KIF26B: variants seen among roughly 807,000 people sequenced by gnomAD.
The protein encoded by KIF26B is kinesin family member 26B.
In KIF26B, 63 loss-of-function variants were observed where a neutral mutation model predicts 151.2. That is an observed-to-expected ratio of 0.42 (90% confidence interval 0.34 to 0.51). The LOEUF (loss-of-function observed/expected upper bound fraction) is 0.51. Ranked by LOEUF, KIF26B falls within the 20% of genes least tolerant of loss-of-function variation. The pLI, the probability that KIF26B is intolerant of heterozygous loss-of-function variation, is 0.07. For synonymous variants in KIF26B, 1,357 were observed against 1,262.1 expected, an observed-to-expected ratio of 1.08 and a Z score of -1.59; for missense variants, 2,813 against 2,913.6, an observed-to-expected ratio of 0.97 and a Z score of 0.79.
chr1:245,618,841 G>A (rs1173411865), intron 9 of KIF26B, among the ~76,000 whole-genome samples: 6 of 145,250 alleles, frequency 4.1e-5, no homozygotes, highest in African/African-American at 5.2e-5. Flanking sequence ...AGCCCTATTA[G>A]ACTATAGGTT....
At chr1:245,414,208 T>C (rs1388142355) in intron 3 of KIF26B, among the ~76,000 whole-genome samples, 1 of 152,188 alleles carries the variant, frequency 6.6e-6, no homozygotes, top group African/African-American at 2.4e-5. Context: ...TTGTTATAGG[T>C]AGCAGCAAGA....
intron 5 of KIF26B, among the ~76,000 whole-genome samples, chr1:245,552,200 C>G (rs1405355936): frequency 6.8e-6 from 1 of 146,082 alleles, no homozygotes; most frequent in Non-Finnish European, 1.5e-5. Flanking sequence ...GACTGATTTT[C>G]AGGACTGGAC....
At chr1:245,458,040 G>A (rs1659577025) in intron 4 of KIF26B, among the ~76,000 whole-genome samples, 1 of 152,204 alleles carries the variant, frequency 6.6e-6, no homozygotes, top group Non-Finnish European at 1.5e-5. Context: ...AATGATGCCA[G>A]TTAATATTTG....
At chr1:245,391,382 C>T (rs942665265) in intron 3 of KIF26B, among the ~76,000 whole-genome samples, 17 of 152,262 alleles carry the variant, frequency 1.1e-4, no homozygotes, top group Admixed American at 5.9e-4. Context: ...TATTCAAATA[C>T]TCCTCCATAT....
Position 245,170,216 on chromosome 1 carries a change from CAA to C in KIF26B, c.465+13535_465+13536del, listed in dbSNP as rs1668686718. Among the ~76,000 whole-genome samples the C allele has an allele frequency of 6.6e-6, 1 of 152,126 alleles. No homozygotes were observed. Among genetic ancestry groups the C allele is most frequent in the African/African-American group, 2.4e-5 (1 of 41,404 alleles). ...ACTGACATGGCCTCCTGTATTCCAG[CAA>C]AGAGTGAAATTCACAGGGAGCACAG... On this transcript the variant is annotated intron_variant, in intron 2 of 14. Coordinates refer to ENST00000407071, the MANE Select transcript of KIF26B (RefSeq NM_018012.4). This position sits in a 1 kb window ranked among gnomAD's most constrained non-coding sequence, Gnocchi z 4.4.
In KIF26B at chr1:245,687,743, G is replaced by A; in HGVS notation, c.4760G>A (p.Cys1587Tyr). The A allele has an allele frequency of 6.3e-7, 1 of 1,578,618 alleles. No homozygotes were observed. Among genetic ancestry groups the A allele is most frequent in the Non-Finnish European group, 8.6e-7 (1 of 1,162,642 alleles). The change falls in exon 12 of 15, where the codon TGT becomes TAT. Residue 1587 changes from cysteine to tyrosine, a missense_variant. Transcript: ENST00000407071. This position sits in a 1 kb window ranked among gnomAD's most constrained non-coding sequence, Gnocchi z 4.9. ...LEGKVASPKH[C>Y]VLARPKGTPP... ...GGGAAGGTGGCTTCCCCCAAGCACT[G>A]TGTTCTGGCTCGGCCCAAAGGGACT...
chr1:245,289,476 C>T lies in KIF26B; in HGVS notation c.466-77358C>T, dbSNP rs185707990. Among the ~76,000 whole-genome samples the T allele has an allele frequency of 2.3e-3, 349 of 152,232 alleles. 1 individual carries two copies. The highest frequency in any genetic ancestry group is 1.9e-3 in the East Asian group (10 of 5,180). On this transcript the variant is annotated intron_variant, in intron 2 of 14. Coordinates refer to ENST00000407071, the MANE Select transcript of KIF26B (RefSeq NM_018012.4). Reference sequence around the variant, plus strand: ...AGAAAATGAGAAGGAACCAGATGCACCCACTTTAATTAATTGGTGTAATCA... The same window carrying T: ...AGAAAATGAGAAGGAACCAGATGCATCCACTTTAATTAATTGGTGTAATCA...
intron 9 of KIF26B, among the ~76,000 whole-genome samples, chr1:245,640,122 G>GCTCGCT (rs1553299289): frequency 3.9e-4 from 21 of 53,942 alleles, no homozygotes; most frequent in East Asian, 8.8e-4. Context: ...ACTAATATTT[G>GCTCGCT]CTCTCTCTCT....
At chr1:245,460,021 C>T (rs1250572781) in intron 4 of KIF26B, among the ~76,000 whole-genome samples, 1 of 152,046 alleles carries the variant, frequency 6.6e-6, no homozygotes, top group Non-Finnish European at 1.5e-5. Context: ...GCTCTATCAT[C>T]TAGGCTGGAG....
chr1:245,478,708 C>T (rs1572082919), intron 4 of KIF26B, among the ~76,000 whole-genome samples: 2 of 151,758 alleles, frequency 1.3e-5, no homozygotes, highest in African/African-American at 4.8e-5. Flanking sequence ...AGCCACCGCG[C>T]CCGGCCCTGA....
At position 245,658,767 on chromosome 1, in the gene KIF26B, C is replaced by T. The variant is rs58974329; in HGVS notation, c.2258+12487C>T. ...ATTCTTTGAGGCTTATCTCAAATAT[C>T]ATCTCCCCTCTCAAGCCTTCTCTGA... On this transcript the variant is annotated intron_variant, in intron 10 of 14. Transcript: ENST00000407071. Among the ~76,000 whole-genome samples, 861 of 152,258 alleles carry T rather than the reference C, an allele frequency of 5.7e-3. 7 individuals are homozygous for T. Among genetic ancestry groups the T allele is most frequent in the African/African-American group, 0.02 (817 of 41,540 alleles).
At chr1:245,401,248 A>G (rs567845394) in intron 3 of KIF26B, among the ~76,000 whole-genome samples, 28 of 152,344 alleles carry the variant, frequency 1.8e-4, no homozygotes, top group African/African-American at 6.3e-4. Context: ...GAAACTTCTG[A>G]AAGGACCTTT....
At chr1:245,395,087 C>T (rs975921842) in intron 3 of KIF26B, among the ~76,000 whole-genome samples, 4 of 149,610 alleles carry the variant, frequency 2.7e-5, no homozygotes, top group Admixed American at 6.7e-5. Context: ...TTTCTTCATT[C>T]GCCTATGTCT....
In KIF26B at chr1:245,375,150, G is replaced by A. The variant is rs555076647; in HGVS notation, c.999+7783G>A. Among the ~76,000 whole-genome samples the A allele has an allele frequency of 4.9e-4, 74 of 152,230 alleles. 3 individuals carry two copies. The South Asian group carries it at 0.014, about 28-fold the overall frequency. On this transcript the variant is annotated intron_variant, in intron 3 of 14. Transcript: ENST00000407071. This position sits in a 1 kb window ranked among gnomAD's most constrained non-coding sequence, Gnocchi z 4.2. ...CACCCAGGCTGGAGTGCAATGGTGC[G>A]AGCTTGGCTCACTGCAACCTCCACC...
At position 245,685,738 on chromosome 1, in the gene KIF26B, G is replaced by T; in HGVS notation, c.2755G>T (p.Asp919Tyr). The change falls in exon 12 of 15, where the codon GAC (aspartate) becomes TAC (tyrosine). Residue 919 changes from aspartate (D) to tyrosine (Y), a missense_variant. Asp to Tyr is a radical substitution (Grantham distance 160, BLOSUM62 -3). This residue lies in a region of KIF26B where 2,060 missense variants were observed against 2,088.6 expected (regional missense o/e 0.99). Transcript: ENST00000407071. Reference sequence around the variant, plus strand: ...GGCTGCAGCCGGCAAGTCAGAAAGGGACTGCCTGAAGTGCAACACGTTTGC... The same window carrying T: ...GGCTGCAGCCGGCAAGTCAGAAAGGTACTGCCTGAAGTGCAACACGTTTGC... ...GEAAAGKSER[D>Y]CLKCNTFAEL... The T allele has an allele frequency of 6.2e-7, 1 of 1,612,852 alleles. No individual in the cohort carries two copies. Among genetic ancestry groups the T allele is most frequent in the African/African-American group, 1.3e-5 (1 of 75,062 alleles).
intron 2 of KIF26B, among the ~76,000 whole-genome samples, chr1:245,263,217 C>T (rs1573740365): frequency 6.6e-6 from 1 of 152,196 alleles, no homozygotes; most frequent in East Asian, 1.9e-4. Flanking sequence ...CTGCTTCACC[C>T]TCTGCTTGTG....
At chr1:245,496,546 G>T (rs1660517076) in intron 4 of KIF26B, among the ~76,000 whole-genome samples, 2 of 152,068 alleles carry the variant, frequency 1.3e-5, no homozygotes, top group Non-Finnish European at 2.9e-5. Flanking sequence ...AATCTGTAGA[G>T]CAACTAGTAA....
chr1:245,489,494 C>T (rs1195317621), intron 4 of KIF26B, among the ~76,000 whole-genome samples: 2 of 152,230 alleles, frequency 1.3e-5, no homozygotes, highest in Non-Finnish European at 2.9e-5. Context: ...GGGTAGTCTG[C>T]AAGTATCTCA....
chr1:245,248,185 G>A (rs1670371676), intron 2 of KIF26B, among the ~76,000 whole-genome samples: 1 of 151,832 alleles, frequency 6.6e-6, no homozygotes, highest in Non-Finnish European at 1.5e-5. Flanking sequence ...AAATAACTGA[G>A]CACATTGAGA....
Sources: gnomAD v4.1 joint callset for allele counts (sites outside exome capture counted in the v4.1 genomes callset) on GRCh38, gnomAD v4.1.1 for gene constraint, gnomAD v4.1.1 regional missense constraint, Gnocchi (gnomAD v3.1) non-coding constraint, MANE v1.5 for transcripts, NCBI Gene and HGNC (gene_info 2026-07-23, HGNC 2026-07-21) for gene names.